Variants in PPA2 observed in about 807,000 individuals in gnomAD.
The protein encoded by PPA2 is inorganic pyrophosphatase 2, also known as inorganic pyrophosphatase 2, mitochondrial.
PPA2 carries 48 observed loss-of-function variants against 49.5 expected under a neutral mutation model. The ratio of observed to expected loss-of-function variants is 0.97; its 90% CI spans 0.77 to 1.23. PPA2 has a LOEUF of 1.23. Ranked by LOEUF, PPA2 falls within the 50% of genes most tolerant of loss-of-function variation. PPA2 has a pLI of 0.00. For missense variants in PPA2, 429 were observed against 410.1 expected, an observed-to-expected ratio of 1.05 and a Z score of -0.40; for synonymous variants, 131 against 139.9, an observed-to-expected ratio of 0.94 and a Z score of 0.45.
intron 9 of PPA2, among the ~76,000 whole-genome samples, chr4:105,387,220 C>A (rs554106083): frequency 2.0e-5 from 3 of 152,246 alleles, no homozygotes; most frequent in Non-Finnish European, 4.4e-5. Flanking sequence ...GCATGCTACT[C>A]ATTACATACT....
At position 105,424,332 on chromosome 4, in the gene PPA2, A is replaced by G; in HGVS notation, c.529-10T>C. 2.5e-6 allele frequency: 4 copies of G among 1,579,742 alleles called. No individual in the cohort carries two copies. Among genetic ancestry groups the G allele is most frequent in the Non-Finnish European group, 3.4e-6 (4 of 1,171,244 alleles). On this transcript the variant is annotated splice_polypyrimidine_tract_variant and intron_variant, in intron 6 of 11. Transcript: ENST00000341695. ...CTCCACAAGAAAGAATCTTTAAAGA[A>G]AAAAGAAATTCACTATTTGCAAGGC... is the stretch of plus-strand genomic sequence containing the variant.
intron 7 of PPA2, among the ~76,000 whole-genome samples, chr4:105,403,178 C>T (rs1252632033): frequency 6.6e-6 from 1 of 152,066 alleles, no homozygotes; most frequent in Non-Finnish European, 1.5e-5. Flanking sequence ...TGTGCACCAC[C>T]ATGCTTGGCT....
intron 1 of PPA2, among the ~76,000 whole-genome samples, chr4:105,472,079 G>C (rs1245419797): frequency 6.6e-6 from 1 of 152,192 alleles, no homozygotes; most frequent in Non-Finnish European, 1.5e-5. Context: ...GAGACTGTTA[G>C]AATCTCCGTT....
intron 10 of PPA2, among the ~76,000 whole-genome samples, chr4:105,372,565 G>C (rs1416838393): frequency 6.6e-6 from 1 of 152,188 alleles, no homozygotes; most frequent in Non-Finnish European, 1.5e-5. Flanking sequence ...GGCCCCATCT[G>C]ATCAGTTGAA....
At chr4:105,400,663 C>T (rs1266600356) in intron 7 of PPA2, among the ~76,000 whole-genome samples, 1 of 152,124 alleles carries the variant, frequency 6.6e-6, no homozygotes, top group Admixed American at 6.6e-5. Flanking sequence ...ATGACTTCAT[C>T]GTTGTACCTT....
chr4:105,461,528 G>A (rs1723092056), intron 1 of PPA2, among the ~76,000 whole-genome samples: 1 of 152,152 alleles, frequency 6.6e-6, no homozygotes, highest in African/African-American at 2.4e-5. Flanking sequence ...AGCCCTTAGG[G>A]AAGAAAACTT....
At chr4:105,434,051 C>T (rs1723940827) in intron 6 of PPA2, among the ~76,000 whole-genome samples, 1 of 152,074 alleles carries the variant, frequency 6.6e-6, no homozygotes, top group African/African-American at 2.4e-5. Flanking sequence ...TGGTCTTGAA[C>T]TCTTGGGTTC....
At chr4:105,396,596 G>A (rs937099015) in intron 8 of PPA2, among the ~76,000 whole-genome samples, 14 of 152,126 alleles carry the variant, frequency 9.2e-5, no homozygotes, top group Admixed American at 3.3e-4. Flanking sequence ...GGCAAACTAG[G>A]AACTATGGGT....
intron 7 of PPA2, among the ~76,000 whole-genome samples, chr4:105,411,906 G>A (rs185536224): frequency 3.3e-5 from 5 of 152,170 alleles, no homozygotes; most frequent in African/African-American, 1.2e-4. Flanking sequence ...CCTCTTCAAG[G>A]AGAACTATAA....
chr4:105,390,045 A>C (rs1733849328), intron 9 of PPA2, among the ~76,000 whole-genome samples: 1 of 152,206 alleles, frequency 6.6e-6, no homozygotes, highest in Non-Finnish European at 1.5e-5. Context: ...AACCAGATGA[A>C]AACAAGCAAT....
chr4:105,373,309 A>C (rs1458561222), intron 10 of PPA2, among the ~76,000 whole-genome samples: 1 of 152,168 alleles, frequency 6.6e-6, no homozygotes, highest in African/African-American at 2.4e-5. Context: ...GTACTCCTTG[A>C]GATTAGGCAT....
intron 5 of PPA2, among the ~76,000 whole-genome samples, chr4:105,442,113 T>C (rs969141726): frequency 6.6e-6 from 1 of 152,016 alleles, no homozygotes; most frequent in South Asian, 2.1e-4. Flanking sequence ...CAACTGATCC[T>C]CTTGTCTTGG....
chr4:105,430,656 A>C (rs1365193350), intron 6 of PPA2, among the ~76,000 whole-genome samples: 1 of 152,218 alleles, frequency 6.6e-6, no homozygotes, highest in Non-Finnish European at 1.5e-5. Flanking sequence ...ATATGATAAA[A>C]GGACAAGATA....
intron 6 of PPA2, among the ~76,000 whole-genome samples, chr4:105,425,805 A>G (rs925498017): frequency 6.6e-6 from 1 of 152,022 alleles, no homozygotes; most frequent in Non-Finnish European, 1.5e-5. Flanking sequence ...AGTGAAGCAC[A>G]TCATAATCAA....
chr4:105,469,275 C>A (rs142341307), intron 1 of PPA2, among the ~76,000 whole-genome samples: 4 of 152,196 alleles, frequency 2.6e-5, no homozygotes, highest in African/African-American at 9.6e-5. Flanking sequence ...TCAATCTACA[C>A]GATATTGCCA....
At chr4:105,446,351 G>T in intron 5 of PPA2, 32 bp downstream of exon 5, 1 of 1,525,044 alleles carries the variant, frequency 6.6e-7, no homozygotes, top group Non-Finnish European at 8.8e-7. Context: ...TCAGAAGACA[G>T]GAACATTTTA....
chr4:105,393,630 A>G (rs1463055213), intron 9 of PPA2, among the ~76,000 whole-genome samples: 5 of 151,800 alleles, frequency 3.3e-5, no homozygotes, highest in Non-Finnish European at 7.4e-5. Flanking sequence ...ATACTAATAC[A>G]CTAGGTTTAA....
intron 1 of PPA2, among the ~76,000 whole-genome samples, chr4:105,465,473 G>A (rs1366472077): frequency 6.6e-6 from 1 of 152,064 alleles, no homozygotes; most frequent in African/African-American, 2.4e-5. Context: ...GCTCTCCAGT[G>A]TAGATCTATC....
chr4:105,385,604 T>A (rs1733650409), intron 10 of PPA2, among the ~76,000 whole-genome samples: 1 of 152,128 alleles, frequency 6.6e-6, no homozygotes, highest in Non-Finnish European at 1.5e-5. Context: ...TAGCCTAAGA[T>A]CACTCCTAAA....
Sources: allele counts gnomAD v4.1 joint callset (sites outside exome capture counted in the v4.1 genomes callset), GRCh38; gene constraint gnomAD v4.1.1; transcripts MANE v1.5; gene names NCBI Gene and HGNC (gene_info 2026-07-23, HGNC 2026-07-21).